The following XIRP2 variants were observed in gnomAD, a reference collection of about 807,000 sequenced individuals.
XIRP2 encodes the protein xin actin binding repeat containing 2.
In XIRP2, 236 loss-of-function variants were observed where a neutral mutation model predicts 277.0. The ratio of observed to expected loss-of-function variants is 0.85; its 90% CI spans 0.77 to 0.95. The LOEUF is 0.95. Ranked by LOEUF, XIRP2 falls within the 40% of genes least tolerant of loss-of-function variation. XIRP2 has a pLI of 0.00. For synonymous variants in XIRP2, 1,490 were observed against 1,416.5 expected (o/e 1.05, Z -1.17); for missense variants, 4,640 against 4,157.5 (o/e 1.12, Z -3.19).
chr2:167,076,973 G>A (rs1051311820), intron 2 of XIRP2, among the ~76,000 whole-genome samples: 1 of 151,912 alleles, frequency 6.6e-6, no homozygotes, highest in Admixed American at 6.6e-5. Flanking sequence ...TCAGGTTACA[G>A]GCACATGCCC....
chr2:166,939,041 A>G (rs1344012964), intron 2 of XIRP2, among the ~76,000 whole-genome samples: 1 of 152,106 alleles, frequency 6.6e-6, no homozygotes, highest in Admixed American at 6.5e-5. Context: ...TTGACTCTTT[A>G]TCCAATTTGC....
chr2:167,250,561 T>A lies in XIRP2; in HGVS notation c.9169T>A (p.Ser3057Thr), dbSNP rs1275452779. 6.2e-7 allele frequency: 1 copy of A among 1,613,486 alleles called. No homozygotes were observed. Among genetic ancestry groups the A allele is most frequent in the Admixed American group, 1.7e-5 (1 of 59,968 alleles). ...TSLDETSSKV[S>T]NVHVSNNKNS... ...TCTTGATGAAACATCATCCAAAGTA[T>A]CTAATGTTCATGTCAGCAATAATAA... is the stretch of plus-strand genomic sequence containing the variant. The change falls in exon 9 of 11, where the codon TCT (serine) becomes ACT (threonine). Residue 3057 changes from serine to threonine, a missense_variant. By Grantham distance (58) the Ser-to-Thr change is moderately conservative. Coordinates refer to ENST00000409195, the MANE Select transcript of XIRP2 (RefSeq NM_152381.6).
At chr2:166,901,778 A>G (rs1031675095) in intron 1 of XIRP2, among the ~76,000 whole-genome samples, 3 of 152,074 alleles carry the variant, frequency 2.0e-5, no homozygotes, top group African/African-American at 7.2e-5. Context: ...TGTTTTATTG[A>G]GATTTTTTAT....
In XIRP2 at chr2:167,139,099, C is replaced by A. The variant is rs186042102; in HGVS notation, c.562+3037C>A. Among the ~76,000 whole-genome samples, 997 of 147,080 alleles carry A rather than the reference C, an allele frequency of 6.8e-3. 9 individuals are homozygous for A. The highest frequency in any genetic ancestry group is 0.015 in the African/African-American group (588 of 39,954). On this transcript the variant is annotated intron_variant, in intron 3 of 10. Transcript: ENST00000409195. ...ATATATATATGCATATATATACGTACGTATATATATGCATATATATATATA... is the reference window on the plus strand; with the variant it reads ...ATATATATATGCATATATATACGTAAGTATATATATGCATATATATATATA...
chr2:166,995,132 G>A (rs1312552877), intron 2 of XIRP2, among the ~76,000 whole-genome samples: 4 of 151,958 alleles, frequency 2.6e-5, no homozygotes, highest in African/African-American at 2.4e-5. Context: ...CCCCCACCTC[G>A]GCCTCCCAAA....
chr2:167,161,905 C>T (rs1256611164), intron 3 of XIRP2, among the ~76,000 whole-genome samples: 1 of 152,188 alleles, frequency 6.6e-6, no homozygotes, highest in Non-Finnish European at 1.5e-5. Context: ...CCTGTAACAG[C>T]ACCCAAGTCA....
At chr2:166,951,122 T>C (rs1010137676) in intron 2 of XIRP2, among the ~76,000 whole-genome samples, 1 of 152,078 alleles carries the variant, frequency 6.6e-6, no homozygotes, top group Non-Finnish European at 1.5e-5. Flanking sequence ...CGAGTTATTA[T>C]TACTGCACAG....
chr2:166,934,445 T>A (rs1685437435), intron 2 of XIRP2, among the ~76,000 whole-genome samples: 1 of 152,154 alleles, frequency 6.6e-6, no homozygotes. Flanking sequence ...GAGCCTCTGA[T>A]AAGAATGCAC....
chr2:166,899,967 A>T (rs1558908124), intron 1 of XIRP2, among the ~76,000 whole-genome samples: 2 of 150,074 alleles, frequency 1.3e-5, no homozygotes, highest in African/African-American at 4.9e-5. Flanking sequence ...GACTACCAGG[A>T]TTTTTTTTTT....
intron 2 of XIRP2, among the ~76,000 whole-genome samples, chr2:167,119,529 A>T (rs1362968860): frequency 6.6e-6 from 1 of 152,180 alleles, no homozygotes; most frequent in Non-Finnish European, 1.5e-5. Flanking sequence ...ATTGCACTTG[A>T]ACTAGCCTAT....
intron 2 of XIRP2, among the ~76,000 whole-genome samples, chr2:167,107,403 A>C (rs1416913477): frequency 6.6e-6 from 1 of 151,858 alleles, no homozygotes; most frequent in East Asian, 1.9e-4. Context: ...AAATAATTTT[A>C]ATCATGGATT....
intron 1 of XIRP2, among the ~76,000 whole-genome samples, chr2:166,897,793 G>A (rs1684281086): frequency 6.6e-6 from 1 of 152,044 alleles, no homozygotes; most frequent in Non-Finnish European, 1.5e-5. Context: ...TCAGAGGCAG[G>A]CCAAGCAGAT....
Position 167,246,310 on chromosome 2 carries a change from T to C in XIRP2, c.4918T>C (p.Leu1640=). 5 of 1,613,210 alleles carry C rather than the reference T, an allele frequency of 3.1e-6. No individual in the cohort carries two copies. The highest frequency in any genetic ancestry group is 4.2e-6 in the Non-Finnish European group (5 of 1,179,650). The part of the protein sequence containing the change: ...KGNVNLTKTQ[L]LNRSTEFHAE... ...AAATGTTAATTTGACTAAAACTCAA[T>C]TATTAAACAGATCAACTGAATTTCA... is the stretch of plus-strand genomic sequence containing the variant. The change falls in exon 9 of 11, where the codon TTA becomes CTA. Residue 1640 remains leucine (L), a synonymous_variant. Transcript: ENST00000409195.
At chr2:167,131,979 C>T (rs1335704945) in intron 2 of XIRP2, among the ~76,000 whole-genome samples, 1 of 152,038 alleles carries the variant, frequency 6.6e-6, no homozygotes, top group Admixed American at 6.6e-5. Context: ...TAAATTCTCT[C>T]CCATTCTCAC....
intron 2 of XIRP2, among the ~76,000 whole-genome samples, chr2:166,954,653 G>T (rs1348233217): frequency 6.6e-6 from 1 of 151,866 alleles, no homozygotes; most frequent in Admixed American, 6.6e-5. Flanking sequence ...CAATAGCAAA[G>T]ACATGGAATT....
chr2:167,024,581 G>C (rs1688094019), intron 2 of XIRP2, among the ~76,000 whole-genome samples: 1 of 152,044 alleles, frequency 6.6e-6, no homozygotes, highest in South Asian at 2.1e-4. Context: ...TATGATATTG[G>C]CTGTGGGTTT....
intron 5 of XIRP2, among the ~76,000 whole-genome samples, 192 bp from the exon 6 acceptor site, chr2:167,239,663 A>G (rs1694996540): frequency 6.6e-6 from 1 of 152,370 alleles, no homozygotes; most frequent in African/African-American, 2.4e-5. Flanking sequence ...TCTGACCTAT[A>G]GAAGTATAAG....
chr2:167,105,394 T>G (rs1647867167), intron 2 of XIRP2, among the ~76,000 whole-genome samples: 1 of 152,004 alleles, frequency 6.6e-6, no homozygotes, highest in Non-Finnish European at 1.5e-5. Flanking sequence ...GAATGTTCTG[T>G]AAATGGAATT....
chr2:166,963,889 G>C (rs564450684), intron 2 of XIRP2, among the ~76,000 whole-genome samples: 18 of 151,890 alleles, frequency 1.2e-4, no homozygotes, highest in African/African-American at 3.6e-4. Flanking sequence ...TGGCTACCTT[G>C]GGAAAATAGA....
Sources: allele counts gnomAD v4.1 joint callset (sites outside exome capture counted in the v4.1 genomes callset), GRCh38; gene constraint gnomAD v4.1.1; transcripts MANE v1.5; gene names NCBI Gene and HGNC (gene_info 2026-07-23, HGNC 2026-07-21).